Variants in FBLN5 observed in about 807,000 individuals in gnomAD.
The protein encoded by FBLN5 is fibulin 5.
A neutral mutation model predicts 61.6 loss-of-function variants in FBLN5; 24 were observed. The observed-to-expected ratio is 0.39, with a 90% CI of 0.28 to 0.55. FBLN5 has a LOEUF of 0.55. FBLN5 is among the 20% of genes least tolerant of loss of function. FBLN5 has a pLI of 0.65. For missense variants in FBLN5, 470 were observed against 594.1 expected, an observed-to-expected ratio of 0.79 and a Z score of 2.17; for synonymous variants, 213 against 219.8, an observed-to-expected ratio of 0.97 and a Z score of 0.27.
intron 5 of FBLN5, among the ~76,000 whole-genome samples, chr14:91,894,430 G>T (rs1466616708): frequency 2.0e-5 from 1 of 50,122 alleles, no homozygotes; most frequent in Admixed American, 2.3e-4. Flanking sequence ...AAAAAAAACC[G>T]AAAAAAACCA....
chr14:91,916,211 C>A (rs939656023), intron 4 of FBLN5, among the ~76,000 whole-genome samples: 1 of 152,034 alleles, frequency 6.6e-6, no homozygotes, highest in Non-Finnish European at 1.5e-5. Context: ...TTTGGGAGGC[C>A]GAGGTAGGTG....
chr14:91,922,944 A>G lies in FBLN5; in HGVS notation c.379+14003T>C, dbSNP rs1006607412. ...AGGAGACTTTGACCAGGACCCTGAG[A>G]ACATGGAGGTGATGTAATTATGAGG... On this transcript the variant is annotated intron_variant, in intron 4 of 10. Coordinates refer to ENST00000342058, the MANE Select transcript of FBLN5 (RefSeq NM_006329.4). 6.6e-5 allele frequency among the ~76,000 whole-genome samples: 10 copies of G among 152,156 alleles called. No individual in the cohort carries two copies. The South Asian group carries it at 1.7e-3, about 25-fold the overall frequency.
intron 4 of FBLN5, among the ~76,000 whole-genome samples, chr14:91,905,368 C>T (rs1890640764): frequency 6.6e-6 from 1 of 152,108 alleles, no homozygotes; most frequent in African/African-American, 2.4e-5. Context: ...GAGGGCGCTG[C>T]AGAGGGCTGG....
At chr14:91,931,641 C>T (rs927227933) in intron 4 of FBLN5, among the ~76,000 whole-genome samples, 1 of 152,198 alleles carries the variant, frequency 6.6e-6, no homozygotes, top group Non-Finnish European at 1.5e-5. Flanking sequence ...TAGTAAAAGG[C>T]TGCTTTCTCA....
intron 10 of FBLN5, chr14:91,873,652 A>G (rs1478921974): frequency 6.6e-6 from 1 of 152,314 alleles, no homozygotes; most frequent in African/African-American, 2.4e-5. Flanking sequence ...TTGAAGCCTC[A>G]TATGCAGTGG....
In FBLN5 at chr14:91,887,235, C is replaced by T. The variant is rs1889767254; in HGVS notation, c.697G>A (p.Asp233Asn). The change falls in exon 7 of 11, where the codon GAC (aspartate) becomes AAC (asparagine). Residue 233 changes from aspartate to asparagine, a missense_variant. Transcript: ENST00000342058. Reference sequence around the variant, plus strand: ...TCTTCCTCAAGTTCATATCCTGGGTCACAGCGGCAGATGAAAGAGCCGTAG... The same window carrying T: ...TCTTCCTCAAGTTCATATCCTGGGTTACAGCGGCAGATGAAAGAGCCGTAG... ...NTYGSFICRC[D>N]PGYELEEDGV... 8 of 1,613,910 alleles carry T rather than the reference C, an allele frequency of 5.0e-6. No individual in the cohort carries two copies. Among genetic ancestry groups the T allele is most frequent in the Non-Finnish European group, 6.8e-6 (8 of 1,179,968 alleles).
intron 4 of FBLN5, among the ~76,000 whole-genome samples, chr14:91,929,284 G>C (rs746165106): frequency 6.6e-6 from 1 of 152,098 alleles, no homozygotes. Flanking sequence ...GTAAATATCT[G>C]ATTCTCTTGT....
chr14:91,904,341 C>A (rs1890585996), intron 4 of FBLN5, among the ~76,000 whole-genome samples: 1 of 152,192 alleles, frequency 6.6e-6, no homozygotes, highest in Non-Finnish European at 1.5e-5. Flanking sequence ...TGTGGCCCGT[C>A]TCTCATTCCC....
chr14:91,926,790 G>A (rs77197951), intron 4 of FBLN5, among the ~76,000 whole-genome samples: 3,226 of 151,292 alleles, frequency 0.021, 99 homozygotes, highest in South Asian at 0.088. Context: ...CGGGGGGAGT[G>A]GACGGGGGGC....
At chr14:91,876,158 C>G (rs1346573938) in intron 10 of FBLN5, among the ~76,000 whole-genome samples, 1 of 152,226 alleles carries the variant, frequency 6.6e-6, no homozygotes, top group Non-Finnish European at 1.5e-5. Context: ...GGCTCCAGAG[C>G]TCACATTAGA....
At chr14:91,907,443 T>C (rs993070357) in intron 4 of FBLN5, among the ~76,000 whole-genome samples, 8 of 152,198 alleles carry the variant, frequency 5.3e-5, no homozygotes, top group Admixed American at 2.0e-4. Flanking sequence ...GCTTAGTGAG[T>C]ACCCTAATAC....
chr14:91,906,997 C>T (rs1890712477), intron 4 of FBLN5, among the ~76,000 whole-genome samples: 1 of 152,216 alleles, frequency 6.6e-6, no homozygotes, highest in Admixed American at 6.5e-5. Flanking sequence ...AGAATGGGGG[C>T]ACTCCCAGGT....
intron 10 of FBLN5, among the ~76,000 whole-genome samples, chr14:91,871,998 G>A (rs12586948): frequency 0.27 from 41,352 of 152,038 alleles, 5,781 homozygotes; most frequent in Middle Eastern, 0.39. Flanking sequence ...CAGAATCTGT[G>A]GCTTAACACA....
At chr14:91,905,239 C>A (rs1367660576) in intron 4 of FBLN5, among the ~76,000 whole-genome samples, 1 of 152,188 alleles carries the variant, frequency 6.6e-6, no homozygotes, top group Non-Finnish European at 1.5e-5. Context: ...TGATCTGGTA[C>A]ACATCAGTGA....
chr14:91,938,746 T>G (rs908702946), intron 3 of FBLN5, among the ~76,000 whole-genome samples: 2 of 152,172 alleles, frequency 1.3e-5, no homozygotes, highest in African/African-American at 4.8e-5. Context: ...GTCTGCTCTG[T>G]GCGGGGCTAG....
At chr14:91,922,073 G>A (rs544793085) in intron 4 of FBLN5, among the ~76,000 whole-genome samples, 3 of 152,180 alleles carry the variant, frequency 2.0e-5, no homozygotes, top group South Asian at 2.1e-4. Flanking sequence ...CAAGGCGGGC[G>A]GATCACCTGA....
intron 5 of FBLN5, 109 bp downstream of exon 5, chr14:91,894,841 C>CCCCA: frequency 1.1e-5 from 6 of 563,078 alleles, no homozygotes; most frequent in Admixed American, 2.3e-5. Context: ...CCCTCCCTAG[C>CCCCA]AAAGAAAAGC....
At chr14:91,894,875 A>T (rs1890155465) in intron 5 of FBLN5, 75 bp downstream of exon 5, 1 of 1,341,382 alleles carries the variant, frequency 7.5e-7, no homozygotes. Flanking sequence ...GCAGCCAGCT[A>T]TGCCCATACC....
intron 4 of FBLN5, among the ~76,000 whole-genome samples, chr14:91,934,566 A>G (rs1345029275): frequency 6.6e-6 from 1 of 152,174 alleles, no homozygotes; most frequent in African/African-American, 2.4e-5. Flanking sequence ...TGAAGAGGAC[A>G]AGACACCTTT....
Sources: allele counts gnomAD v4.1 joint callset (sites outside exome capture counted in the v4.1 genomes callset), GRCh38; gene constraint gnomAD v4.1.1; transcripts MANE v1.5; gene names NCBI Gene and HGNC (gene_info 2026-07-23, HGNC 2026-07-21).